The following PCCA variants were observed in gnomAD, a reference collection of about 807,000 sequenced individuals.
The protein encoded by PCCA is propionyl-CoA carboxylase subunit alpha, also known as propionyl-CoA carboxylase alpha chain, mitochondrial.
Under a neutral mutation model 101.3 loss-of-function variants are expected in PCCA, and 74 were observed. The observed-to-expected ratio is 0.73, with a 90% CI of 0.61 to 0.89. The LOEUF (loss-of-function observed/expected upper bound fraction) is 0.89, where lower values mean the gene tolerates loss of function less well. Among genes scored for constraint, PCCA ranks in the 40% least tolerant of loss-of-function variants. The pLI is 0.00. For missense variants in PCCA, 891 were observed against 907.0 expected, an observed-to-expected ratio of 0.98 and a Z score of 0.23; for synonymous variants, 294 against 313.6, an observed-to-expected ratio of 0.94 and a Z score of 0.66.
chr13:100,188,103 GC>G (rs943837002), intron 6 of PCCA, among the ~76,000 whole-genome samples: 4 of 152,140 alleles, frequency 2.6e-5, no homozygotes, highest in Non-Finnish European at 5.9e-5. Flanking sequence ...GACCACCCTG[GC>G]CAACATGGTG....
chr13:100,242,103 ATATCT>A (rs1299161199), intron 8 of PCCA, among the ~76,000 whole-genome samples: 1 of 152,190 alleles, frequency 6.6e-6, no homozygotes, highest in Non-Finnish European at 1.5e-5. Context: ...GTGTAGAATA[ATATCT>A]TATTGTAGCA....
chr13:100,200,250 G>A (rs1204504331), intron 6 of PCCA, among the ~76,000 whole-genome samples: 2 of 152,078 alleles, frequency 1.3e-5, no homozygotes, highest in African/African-American at 2.4e-5. Context: ...GCTGGAGCCT[G>A]CCACCATGCC....
At chr13:100,348,812 C>CT (rs1372971247) in intron 18 of PCCA, among the ~76,000 whole-genome samples, 85 of 58,950 alleles carry the variant, frequency 1.4e-3, no homozygotes, top group African/African-American at 3.1e-3. Context: ...TCCTTCCTTC[C>CT]TTCCTTTCTT....
At chr13:100,191,694 G>T (rs1363908845) in intron 6 of PCCA, among the ~76,000 whole-genome samples, 2 of 152,202 alleles carry the variant, frequency 1.3e-5, no homozygotes, top group Non-Finnish European at 2.9e-5. Flanking sequence ...AGTGGCATGG[G>T]AAGTGAGGGG....
chr13:100,116,060 G>A (rs1375957867), intron 4 of PCCA, among the ~76,000 whole-genome samples: 1 of 152,118 alleles, frequency 6.6e-6, no homozygotes, highest in Admixed American at 6.6e-5. Context: ...GTCTCAAGGA[G>A]GCTGAAAAGG....
chr13:100,435,033 G>A (rs925599863), intron 20 of PCCA, among the ~76,000 whole-genome samples: 10 of 152,114 alleles, frequency 6.6e-5, no homozygotes, highest in Non-Finnish European at 1.5e-4. Flanking sequence ...TCTTTTTGTT[G>A]CTGAACCCCT....
At chr13:100,272,534 T>C (rs2063370980) in intron 11 of PCCA, among the ~76,000 whole-genome samples, 2 of 152,008 alleles carry the variant, frequency 1.3e-5, no homozygotes, top group Admixed American at 1.3e-4. Context: ...CTAAGGACAA[T>C]GCTTGATGGG....
chr13:100,407,179 A>G (rs2077736435), intron 19 of PCCA, among the ~76,000 whole-genome samples: 1 of 152,220 alleles, frequency 6.6e-6, no homozygotes, highest in African/African-American at 2.4e-5. Context: ...CAATTTGGGA[A>G]CACATATTAG....
rs189339843 is a variant in PCCA, at chr13:100,098,223, A to G, written c.106-4660A>G. ...CATCTCTTAAAAAAACAAAAAAAGT[A>G]AAATAAGGTGAAATTAATATATTTT... On this transcript the variant is annotated intron_variant, in intron 1 of 23. Transcript: ENST00000376285. Among the ~76,000 whole-genome samples the G allele has an allele frequency of 3.2e-4, 48 of 152,338 alleles. No individual in the cohort carries two copies. In the East Asian group the frequency reaches 6.5e-3, roughly 21 times the overall value.
At chr13:100,321,761 A>G (rs1452844567) in intron 16 of PCCA, among the ~76,000 whole-genome samples, 2 of 152,036 alleles carry the variant, frequency 1.3e-5, no homozygotes, top group Admixed American at 6.6e-5. Flanking sequence ...GAATTTGTGA[A>G]TGTTTTCTAA....
chr13:100,364,101 G>C (rs1001896753), intron 18 of PCCA, among the ~76,000 whole-genome samples: 8 of 152,110 alleles, frequency 5.3e-5, no homozygotes, highest in African/African-American at 1.4e-4. Flanking sequence ...GTTTTTGTTT[G>C]TTTGTTGAAG....
At chr13:100,386,027 A>G (rs1041312798) in intron 19 of PCCA, among the ~76,000 whole-genome samples, 1 of 152,234 alleles carries the variant, frequency 6.6e-6, no homozygotes, top group Non-Finnish European at 1.5e-5. Context: ...TGTTATGTCC[A>G]CCTGTAGGAG....
chr13:100,438,473 AG>A (rs1436705342), intron 20 of PCCA, among the ~76,000 whole-genome samples: 1 of 152,084 alleles, frequency 6.6e-6, no homozygotes, highest in African/African-American at 2.4e-5. Context: ...CATTAGCCCC[AG>A]TCTCGTGAAT....
chr13:100,415,699 A>C (rs988551449), intron 19 of PCCA, among the ~76,000 whole-genome samples: 1 of 152,248 alleles, frequency 6.6e-6, no homozygotes, highest in African/African-American at 2.4e-5. Flanking sequence ...ATGACAAAGA[A>C]AAAACTTGGA....
intron 7 of PCCA, among the ~76,000 whole-genome samples, chr13:100,224,196 C>T (rs1001386584): frequency 5.9e-5 from 9 of 152,214 alleles, no homozygotes; most frequent in African/African-American, 2.2e-4. Context: ...CCCTGCCCGG[C>T]GGGAAGGCAG....
chr13:100,106,736 G>A (rs965892492), intron 2 of PCCA, among the ~76,000 whole-genome samples: 1 of 152,092 alleles, frequency 6.6e-6, no homozygotes, highest in African/African-American at 2.4e-5. Flanking sequence ...CATTTAAAGA[G>A]ATACGAGGGA....
At chr13:100,434,451 T>C (rs904300415) in intron 20 of PCCA, among the ~76,000 whole-genome samples, 26 of 152,172 alleles carry the variant, frequency 1.7e-4, no homozygotes, top group African/African-American at 5.8e-4. Context: ...GAGAAGAGCA[T>C]GGCAGGAAGA....
At chr13:100,438,628 C>T (rs2080117929) in intron 20 of PCCA, among the ~76,000 whole-genome samples, 1 of 152,030 alleles carries the variant, frequency 6.6e-6, no homozygotes, top group Admixed American at 6.6e-5. Context: ...AGAGCACGTA[C>T]ACCCTTTCCC....
At chr13:100,210,854 A>G (rs193145561) in intron 7 of PCCA, among the ~76,000 whole-genome samples, 4 of 152,298 alleles carry the variant, frequency 2.6e-5, no homozygotes, top group South Asian at 4.1e-4. Context: ...GTTAATAAAT[A>G]TCCTCAGCTT....
Sources: allele counts gnomAD v4.1 joint callset (sites outside exome capture counted in the v4.1 genomes callset), GRCh38; gene constraint gnomAD v4.1.1; transcripts MANE v1.5; gene names NCBI Gene and HGNC (gene_info 2026-07-23, HGNC 2026-07-21).